Variants in GTF2E2 observed in about 807,000 individuals in gnomAD.
GTF2E2 encodes general transcription factor IIE subunit 2.
Under a neutral mutation model 40.5 loss-of-function variants are expected in GTF2E2, and 21 were observed. That is an observed-to-expected ratio of 0.52 (90% CI 0.37 to 0.75). The LOEUF (loss-of-function observed/expected upper bound fraction) is 0.75, where lower values mean the gene tolerates loss of function less well. Ranked by LOEUF, GTF2E2 falls within the 30% of genes least tolerant of loss-of-function variation. The pLI, the probability that GTF2E2 is intolerant of heterozygous loss-of-function variation, is 0.00. For synonymous variants in GTF2E2, 117 were observed against 121.6 expected (o/e 0.96, Z 0.25); for missense variants, 298 against 338.4 (o/e 0.88, Z 0.94).
chr8:30,655,982 T>C (rs1315430032), intron 1 of GTF2E2, among the ~76,000 whole-genome samples: 2 of 152,124 alleles, frequency 1.3e-5, no homozygotes, highest in Admixed American at 6.5e-5. Flanking sequence ...CGCCAATGTC[T>C]GTATTTTTAG....
At chr8:30,580,211 G>T in intron 7 of GTF2E2, 70 bp downstream of exon 7, 1 of 844,706 alleles carries the variant, frequency 1.2e-6, no homozygotes. Context: ...GCTCTTCAGA[G>T]GGCAGAAAGC....
chr8:30,645,763 T>C (rs963685108), intron 2 of GTF2E2: 7 of 628,456 alleles, frequency 1.1e-5, no homozygotes, highest in East Asian at 2.8e-5. Flanking sequence ...TTTGTGTGTA[T>C]AGCCATTTCA....
rs1053727353 is a variant in GTF2E2 at position 30,633,064 on chromosome 8, T to C, written c.258+1968A>G. 1.3e-5 allele frequency among the ~76,000 whole-genome samples: 2 copies of C among 152,326 alleles called. 1 individual carries two copies. ...TGAATTTAATCAAAATTTTAATCTA[T>C]GTATGTTATTCTAATCAACTGTGCA... On this transcript the variant is annotated intron_variant, in intron 3 of 7. Transcript: ENST00000355904.
chr8:30,579,789 A>G (rs1255618601), intron 7 of GTF2E2, among the ~76,000 whole-genome samples: 1 of 152,220 alleles, frequency 6.6e-6, no homozygotes, highest in African/African-American at 2.4e-5. Flanking sequence ...GTCATCATTT[A>G]ATTACTAACA....
intron 5 of GTF2E2, among the ~76,000 whole-genome samples, chr8:30,608,052 C>CA (rs35647972): frequency 6.6e-6 from 1 of 151,764 alleles, no homozygotes; most frequent in African/African-American, 2.4e-5. Flanking sequence ...GTACACCTGA[C>CA]AAAAAAAATT....
chr8:30,586,650 C>T (rs748696417), intron 6 of GTF2E2, among the ~76,000 whole-genome samples: 21 of 152,152 alleles, frequency 1.4e-4, no homozygotes, highest in Admixed American at 2.0e-4. Context: ...TACAATGCTA[C>T]GGTAATCAAA....
intron 7 of GTF2E2, 60 bp downstream of exon 7, chr8:30,580,221 C>T (rs1212602964): frequency 2.2e-5 from 20 of 915,266 alleles, no homozygotes; most frequent in African/African-American, 6.5e-5. Context: ...GGGCAGAAAG[C>T]GGAGCAGGCT....
chr8:30,623,136 A>G (rs1801162158), intron 3 of GTF2E2, among the ~76,000 whole-genome samples: 1 of 152,100 alleles, frequency 6.6e-6, no homozygotes, highest in Admixed American at 6.5e-5. Context: ...AGAAATTATA[A>G]AAGTATTAAA....
At chr8:30,626,631 C>A (rs1048927385) in intron 3 of GTF2E2, among the ~76,000 whole-genome samples, 3 of 152,176 alleles carry the variant, frequency 2.0e-5, no homozygotes, top group African/African-American at 7.2e-5. Context: ...TCTGAAGATA[C>A]AATTTACAAG....
At chr8:30,637,565 C>T (rs1015608875) in intron 2 of GTF2E2, among the ~76,000 whole-genome samples, 5 of 152,012 alleles carry the variant, frequency 3.3e-5, no homozygotes, top group Admixed American at 6.6e-5. Flanking sequence ...ACTCTGTCGC[C>T]CAGGCTGGAG....
chr8:30,630,168 T>C (rs1160813981), intron 3 of GTF2E2, among the ~76,000 whole-genome samples: 1 of 152,216 alleles, frequency 6.6e-6, no homozygotes, highest in Non-Finnish European at 1.5e-5. Context: ...ATTTAATCTT[T>C]TTTGATGTCT....
chr8:30,642,007 T>C (rs1315967662), intron 2 of GTF2E2, among the ~76,000 whole-genome samples: 1 of 152,244 alleles, frequency 6.6e-6, no homozygotes, highest in African/African-American at 2.4e-5. Flanking sequence ...GAATAAAGTA[T>C]ACAGTCTAAC....
intron 3 of GTF2E2, among the ~76,000 whole-genome samples, chr8:30,617,518 G>C (rs1276916070): frequency 6.6e-6 from 1 of 152,086 alleles, no homozygotes; most frequent in Non-Finnish European, 1.5e-5. Flanking sequence ...AAAGTGGGCA[G>C]GTTGCTTGAA....
intron 2 of GTF2E2, chr8:30,645,794 CAT>C (rs1334738461): frequency 1.1e-5 from 6 of 550,838 alleles, no homozygotes; most frequent in Non-Finnish European, 1.9e-5. Flanking sequence ...AGTAAAACTT[CAT>C]GAATGTGAAT....
At chr8:30,613,240 A>G (rs1800791589) in intron 4 of GTF2E2, among the ~76,000 whole-genome samples, 1 of 152,220 alleles carries the variant, frequency 6.6e-6, no homozygotes, top group African/African-American at 2.4e-5. Context: ...TTACTAGTCA[A>G]TGGTCTTCCC....
At chr8:30,620,184 G>A (rs1267967779) in intron 3 of GTF2E2, among the ~76,000 whole-genome samples, 1 of 151,860 alleles carries the variant, frequency 6.6e-6, no homozygotes, top group East Asian at 1.9e-4. Flanking sequence ...GTTGTTTTAA[G>A]CCACTAAAGT....
chr8:30,588,788 A>T (rs1828755003), intron 6 of GTF2E2, among the ~76,000 whole-genome samples: 1 of 152,090 alleles, frequency 6.6e-6, no homozygotes, highest in Non-Finnish European at 1.5e-5. Context: ...AAGAAAACGA[A>T]TTCTTCCCAT....
At position 30,624,581 on chromosome 8, in the gene GTF2E2, G is replaced by A. The variant is rs1224548963; in HGVS notation, c.259-9866C>T. On this transcript the variant is annotated intron_variant, in intron 3 of 7. Coordinates refer to ENST00000355904, the MANE Select transcript of GTF2E2 (RefSeq NM_002095.6). ...TTGGTAGCTTGATGGGGATGGCATT[G>A]AATCTATAAATTACCTTGGGCAGTA... 3.3e-5 allele frequency among the ~76,000 whole-genome samples: 5 copies of A among 152,136 alleles called. No individual in the cohort carries two copies. In the East Asian group the frequency reaches 9.6e-4, roughly 29 times the overall value.
At chr8:30,603,362 C>A (rs768440738) in intron 6 of GTF2E2, among the ~76,000 whole-genome samples, 5 of 151,894 alleles carry the variant, frequency 3.3e-5, no homozygotes, top group Non-Finnish European at 7.4e-5. Flanking sequence ...AGAACTGATT[C>A]AAAAGTTAAA....
Sources: allele counts gnomAD v4.1 joint callset (sites outside exome capture counted in the v4.1 genomes callset), GRCh38; gene constraint gnomAD v4.1.1; transcripts MANE v1.5; gene names NCBI Gene and HGNC (gene_info 2026-07-23, HGNC 2026-07-21).